ZFAND6: variants seen among roughly 807,000 people sequenced by gnomAD.
ZFAND6 encodes the protein zinc finger AN1-type containing 6.
In ZFAND6, 12 loss-of-function variants were observed where a neutral mutation model predicts 24.5. The ratio of observed to expected loss-of-function variants is 0.49; its 90% CI spans 0.31 to 0.79. The LOEUF (loss-of-function observed/expected upper bound fraction) is 0.79, where lower values mean the gene tolerates loss of function less well. ZFAND6 is among the 30% of genes least tolerant of loss of function. The pLI, the probability that ZFAND6 is intolerant of heterozygous loss-of-function variation, is 0.04. For missense variants in ZFAND6, 207 were observed against 245.9 expected (o/e 0.84, Z 1.06); for synonymous variants, 92 against 81.5 (o/e 1.13, Z -0.69).
intron 2 of ZFAND6, among the ~76,000 whole-genome samples, chr15:80,102,993 G>T (rs1426167679): frequency 6.6e-6 from 1 of 152,144 alleles, no homozygotes; most frequent in Non-Finnish European, 1.5e-5. Context: ...GTGCTATTCT[G>T]TCTCCTCCCC....
intron 1 of ZFAND6, among the ~76,000 whole-genome samples, chr15:80,080,670 TAA>T (rs2037610727): frequency 2.0e-5 from 3 of 152,114 alleles, no homozygotes; most frequent in Admixed American, 6.6e-5. Context: ...AGACTGAGTA[TAA>T]AAAGAGGTTT....
At chr15:80,109,361 G>A (rs1391603217) in intron 2 of ZFAND6, among the ~76,000 whole-genome samples, 2 of 152,172 alleles carry the variant, frequency 1.3e-5, no homozygotes, top group African/African-American at 2.4e-5. Flanking sequence ...GGATAAGGAC[G>A]TTGAAGAAAA....
At chr15:80,081,110 T>C (rs138300653) in intron 1 of ZFAND6, among the ~76,000 whole-genome samples, 18 of 152,344 alleles carry the variant, frequency 1.2e-4, no homozygotes, top group African/African-American at 3.8e-4. Context: ...GCTGTAGGAA[T>C]TTAAAAAATA....
chr15:80,083,606 G>A (rs2037811395), intron 1 of ZFAND6, among the ~76,000 whole-genome samples: 1 of 152,160 alleles, frequency 6.6e-6, no homozygotes. Flanking sequence ...TGTTCATGGA[G>A]ATGATTAAGC....
chr15:80,136,298 C>T (rs2040860298), intron 6 of ZFAND6, among the ~76,000 whole-genome samples: 3 of 152,124 alleles, frequency 2.0e-5, no homozygotes, highest in South Asian at 4.2e-4. Flanking sequence ...AACTCAGTCT[C>T]TACTAAAAAT....
At chr15:80,134,086 C>G (rs1372503240) in intron 6 of ZFAND6, among the ~76,000 whole-genome samples, 2 of 151,226 alleles carry the variant, frequency 1.3e-5, no homozygotes, top group Non-Finnish European at 2.9e-5. Flanking sequence ...CTCCTGGGTT[C>G]TAGCGATTCT....
At chr15:80,122,981 A>G in intron 5 of ZFAND6, 181 bp downstream of exon 5, 1 of 506,286 alleles carries the variant, frequency 2.0e-6, no homozygotes, top group South Asian at 3.0e-5. Context: ...TCACACTTAC[A>G]TGTAATTTTA....
intron 1 of ZFAND6, among the ~76,000 whole-genome samples, chr15:80,094,029 A>G (rs2038557335): frequency 6.6e-6 from 1 of 152,222 alleles, no homozygotes. Flanking sequence ...GTCATCATAA[A>G]TCAGTTTAAA....
intron 2 of ZFAND6, among the ~76,000 whole-genome samples, chr15:80,116,642 A>G (rs2039888459): frequency 6.6e-6 from 1 of 152,206 alleles, no homozygotes; most frequent in Non-Finnish European, 1.5e-5. Context: ...AGGTTCTTTG[A>G]TATTACACTA....
chr15:80,061,402 C>T (rs532865379), intron 1 of ZFAND6, among the ~76,000 whole-genome samples: 3 of 152,076 alleles, frequency 2.0e-5, no homozygotes, highest in African/African-American at 7.2e-5. Context: ...AAAAAAAACA[C>T]GGTAAAGTAT....
intron 2 of ZFAND6, among the ~76,000 whole-genome samples, chr15:80,118,448 A>C (rs979630324): frequency 2.0e-5 from 3 of 152,176 alleles, no homozygotes; most frequent in African/African-American, 7.2e-5. Context: ...AAACATAAAG[A>C]AAGCTGCAGA....
At chr15:80,086,787 A>G (rs2038032260) in intron 1 of ZFAND6, among the ~76,000 whole-genome samples, 1 of 152,230 alleles carries the variant, frequency 6.6e-6, no homozygotes, top group Non-Finnish European at 1.5e-5. Flanking sequence ...AATTGTCCCA[A>G]ACTGAAACTG....
intron 2 of ZFAND6, among the ~76,000 whole-genome samples, chr15:80,116,444 C>T (rs1367502382): frequency 6.6e-6 from 1 of 152,206 alleles, no homozygotes; most frequent in East Asian, 1.9e-4. Flanking sequence ...AACCACTTTC[C>T]TCTCCCCCAC....
chr15:80,122,842 AT>A (rs755177634), intron 5 of ZFAND6, 42 bp downstream of exon 5: 1 of 1,519,928 alleles, frequency 6.6e-7, no homozygotes, highest in South Asian at 1.1e-5. Flanking sequence ...TTTGAGTATT[AT>A]AGGCCAGACA....
chr15:80,118,385 C>T (rs975306466), intron 2 of ZFAND6, among the ~76,000 whole-genome samples: 1 of 152,058 alleles, frequency 6.6e-6, no homozygotes, highest in African/African-American at 2.4e-5. Context: ...GCCTCCATCA[C>T]TTATTAATTA....
Position 80,120,465 on chromosome 15 carries a change from C to A in ZFAND6, c.121C>A (p.Gln41Lys). 1 of 1,589,946 alleles carries A rather than the reference C, an allele frequency of 6.3e-7. No homozygotes were observed. The highest frequency in any genetic ancestry group is 8.6e-7 in the Non-Finnish European group (1 of 1,165,276). ...ATGCTATAAAGAACATCTTCAAAGACAGAATAGTAGTAATGGTAGAATAAG... is the reference window on the plus strand; with the variant it reads ...ATGCTATAAAGAACATCTTCAAAGAAAGAATAGTAGTAATGGTAGAATAAG... Reference protein sequence around the residue: ...SVCYKEHLQRQNSSNGRISPP... With the variant: ...SVCYKEHLQRKNSSNGRISPP... Residue 41 changes from glutamine (Q) to lysine (K), a missense_variant, in exon 3 of 7, where the codon CAG becomes AAG. Around this residue, in one of 3 missense-constraint regions of ZFAND6, gnomAD observed 29 missense variants for 55.4 expected, o/e 0.52. Coordinates refer to ENST00000261749, the MANE Select transcript of ZFAND6 (RefSeq NM_019006.4).
chr15:80,107,672 A>G (rs185852841), intron 2 of ZFAND6, among the ~76,000 whole-genome samples: 335 of 152,142 alleles, frequency 2.2e-3, no homozygotes, highest in Non-Finnish European at 3.2e-3. Context: ...TAAAAACACA[A>G]AAAGTCATGA....
intron 5 of ZFAND6, among the ~76,000 whole-genome samples, chr15:80,127,623 C>T (rs915784636): frequency 2.7e-5 from 4 of 147,038 alleles, no homozygotes; most frequent in Non-Finnish European, 5.9e-5. Flanking sequence ...AAACCATGCT[C>T]AACTTCATTA....
At chr15:80,119,234 T>A (rs2040036166) in intron 2 of ZFAND6, among the ~76,000 whole-genome samples, 1 of 152,240 alleles carries the variant, frequency 6.6e-6, no homozygotes, top group Non-Finnish European at 1.5e-5. Context: ...CAGCATCACT[T>A]GCCTGTCTGA....
Sources: gnomAD v4.1 joint callset for allele counts (sites outside exome capture counted in the v4.1 genomes callset) on GRCh38, gnomAD v4.1.1 for gene constraint, gnomAD v4.1.1 regional missense constraint, MANE v1.5 for transcripts, NCBI Gene and HGNC (gene_info 2026-07-23, HGNC 2026-07-21) for gene names.